The following FCN1 variants were observed in gnomAD, a reference collection of about 807,000 sequenced individuals.
The protein encoded by FCN1 is ficolin-1.
In FCN1, 42 loss-of-function variants were observed where a neutral mutation model predicts 35.6. The observed-to-expected ratio is 1.18, with a 90% CI of 0.92 to 1.53. The LOEUF is 1.53. FCN1 is among the 40% of genes most tolerant of loss of function. The probability of loss-of-function intolerance (pLI) is 0.00; values close to 1 mark genes in which losing one functional copy is unlikely to be tolerated. For missense variants in FCN1, 439 were observed against 428.4 expected (o/e 1.02, Z -0.22); for synonymous variants, 179 against 169.8 (o/e 1.05, Z -0.42).
chr9:134,909,027 G>A lies in FCN1; in HGVS notation c.*771C>T. 2.7e-6 allele frequency: 1 copy of A among 365,906 alleles called. No homozygotes were observed. The highest frequency in any genetic ancestry group is 2.2e-5 in the South Asian group (1 of 46,210). The allele number at this position is 365,906 out of a possible 1,614,324, so 22.7% of individuals were successfully genotyped here. ...TTGAGAAATCTCCCCTGGCCTGGGA[G>A]CTGGAGAAGCCCCTTCTCCATCATC... On this transcript the variant is annotated 3_prime_UTR_variant, in exon 9 of 9. Transcript: ENST00000371806.
At position 134,912,738 on chromosome 9, in the gene FCN1, A is replaced by G. The variant is rs370842673; in HGVS notation, c.469-123T>C. 1.9e-3 allele frequency: 2,577 copies of G among 1,343,030 alleles called. 66 individuals are homozygous for G. The South Asian group carries it at 0.032, about 17-fold the overall frequency. The allele number at this position is 1,343,030 out of a possible 1,614,324, so 83.2% of individuals were successfully genotyped here. ...AGCATCACAGGCCGGTGCCACACGC[A>G]CGCCCATCTGGTCTCCTCACAGACT... On this transcript the variant is annotated intron_variant, in intron 6 of 8. Coordinates refer to ENST00000371806, the MANE Select transcript of FCN1 (RefSeq NM_002003.5).
rs1217594396 is a variant in FCN1 at position 134,909,937 on chromosome 9, G to A, written c.842C>T (p.Ala281Val). 6.2e-7 allele frequency: 1 copy of A among 1,614,162 alleles called. No homozygotes were observed. Among genetic ancestry groups the A allele is most frequent in the South Asian group, 1.1e-5 (1 of 91,086 alleles). The change falls in exon 9 of 9, where the codon GCC (alanine) becomes GTC (valine). Residue 281 changes from alanine to valine, a missense_variant. Coordinates refer to ENST00000371806, the MANE Select transcript of FCN1 (RefSeq NM_002003.5). ...AEKFQGAWWY[A>V]DCHASNLNGL... ...ATTGAGGTTTGAAGCATGACAGTCG[G>A]CGTACCACCAGGCTCCTTGGAACTT...
intron 2 of FCN1, 27 bp downstream of exon 2, chr9:134,916,321 T>A: frequency 1.3e-6 from 2 of 1,554,476 alleles, no homozygotes; most frequent in Admixed American, 1.7e-5. Flanking sequence ...CTGCCATGCC[T>A]GGCCTCCCCA....
At position 134,903,743 on chromosome 9, in the gene FCN1, A is replaced by G. The variant is rs1422017578; in HGVS notation, c.*6055T>C. Among the ~76,000 whole-genome samples the G allele has an allele frequency of 1.3e-5, 2 of 152,242 alleles. No homozygotes were observed. Among genetic ancestry groups the G allele is most frequent in the African/African-American group, 4.8e-5 (2 of 41,468 alleles). On this transcript the variant is annotated 3_prime_UTR_variant, in exon 9 of 9. Transcript: ENST00000371806. ...GATCTACAGGCCACTGAGGTGTTTA[A>G]AATGTCTTTAAAAACGACTCTGACT...
Position 134,903,835 on chromosome 9 carries a change from A to T in FCN1, c.*5963T>A, listed in dbSNP as rs192618531. 7.2e-5 allele frequency among the ~76,000 whole-genome samples: 11 copies of T among 152,344 alleles called. No individual in the cohort carries two copies. Among genetic ancestry groups the T allele is most frequent in the Non-Finnish European group, 1.6e-4 (11 of 68,024 alleles). ...AAAAAGTGGAGAAGTGGAGCCAAGC[A>T]TTGGAGTCTACACTGGCTATTCTAT... On this transcript the variant is annotated 3_prime_UTR_variant, in exon 9 of 9. Coordinates refer to ENST00000371806, the MANE Select transcript of FCN1 (RefSeq NM_002003.5).
chr9:134,908,816 T>G lies in FCN1; in HGVS notation c.*982A>C. 2.1e-5 allele frequency: 4 copies of G among 193,418 alleles called. No homozygotes were observed. Among genetic ancestry groups the G allele is most frequent in the Admixed American group, 5.4e-5 (1 of 18,552 alleles). 12.0% of individuals were successfully genotyped at this position (193,418 alleles called of 1,614,324 possible). On this transcript the variant is annotated 3_prime_UTR_variant, in exon 9 of 9. Coordinates refer to ENST00000371806, the MANE Select transcript of FCN1 (RefSeq NM_002003.5). ...CCAGGAGGTGGCGAGTTCTTGTTGTTTCAAGCCACTCCATTTGTGGTGACT... is the reference window on the plus strand; with the variant it reads ...CCAGGAGGTGGCGAGTTCTTGTTGTGTCAAGCCACTCCATTTGTGGTGACT...
In FCN1 at chr9:134,915,423, T is replaced by C. The variant is rs1034387578; in HGVS notation, c.218-614A>G. Among the ~76,000 whole-genome samples the C allele has an allele frequency of 3.9e-5, 6 of 152,218 alleles. No homozygotes were observed. In the East Asian group the frequency reaches 1.2e-3, roughly 29 times the overall value. On this transcript the variant is annotated intron_variant, in intron 2 of 8. Coordinates refer to ENST00000371806, the MANE Select transcript of FCN1 (RefSeq NM_002003.5). ...GGGCTGGTTCTTGCTTTAGGGTATATTAGCCAGCCATGCCCACTGGTAGAA... is the reference window on the plus strand; with the variant it reads ...GGGCTGGTTCTTGCTTTAGGGTATACTAGCCAGCCATGCCCACTGGTAGAA...
rs200871731 is a variant in FCN1, at chr9:134,905,783, C to CGCT, written c.*4012_*4014dup. 61 of 120,696 alleles carry CGCT rather than the reference C, an allele frequency of 5.1e-4. 2 individuals are homozygous for CGCT. Among genetic ancestry groups the CGCT allele is most frequent in the Admixed American group, 2.3e-3 (30 of 13,076 alleles). 7.5% of individuals were successfully genotyped at this position (120,696 alleles called of 1,614,324 possible). On this transcript the variant is annotated 3_prime_UTR_variant, in exon 9 of 9. Transcript: ENST00000371806. ...ACAAGCGTGAGCCACCGCGCCTGGC[C>CGCT]GCTGCTGCTGCTTCTTCTTCTTCTT...
In FCN1 at chr9:134,917,769, C is replaced by A; in HGVS notation, c.103G>T (p.Glu35Ter). 2.5e-6 allele frequency: 4 copies of A among 1,610,268 alleles called. No homozygotes were observed. Among genetic ancestry groups the A allele is most frequent in the Non-Finnish European group, 3.4e-6 (4 of 1,176,594 alleles). Residue 35 changes from glutamate to a stop codon, truncating the protein, a stop_gained and splice_region_variant, in exon 1 of 9, where the codon GAG becomes TAG. Transcript: ENST00000371806. LOFTEE classifies it high-confidence loss of function. ...ACCAGAAAACCCAGGTCTGTCTCAC[C>A]TGGACATGTGTCCGCAGCCTGGGCA... is the stretch of plus-strand genomic sequence containing the variant. ...LPAQAADTCP[E>*]VKVVGLEGSD...
Position 134,912,582 on chromosome 9 carries a change from A to C in FCN1, c.502T>G (p.Phe168Val). 1 of 1,614,162 alleles carries C rather than the reference A, an allele frequency of 6.2e-7. No individual in the cohort carries two copies. Among genetic ancestry groups the C allele is most frequent in the Non-Finnish European group, 8.5e-7 (1 of 1,180,008 alleles). The change falls in exon 7 of 9, where the codon TTC becomes GTC. Residue 168 changes from phenylalanine (F) to valine (V), a missense_variant. By Grantham distance (50) the Phe-to-Val change is conservative. Transcript: ENST00000371806. Reference sequence around the variant, plus strand: ...TTGTATGCGGCCCAGTCCCGATAGAAGTCCACAGAGCCATCCATCCTCCGC... The same window carrying C: ...TTGTATGCGGCCCAGTCCCGATAGACGTCCACAGAGCCATCCATCCTCCGC... The part of the protein sequence containing the change: ...FQRRMDGSVD[F>V]YRDWAAYKQG...
intron 4 of FCN1, 96 bp from the exon 5 acceptor site, chr9:134,913,709 G>T: frequency 2.3e-6 from 2 of 885,900 alleles, no homozygotes; most frequent in Non-Finnish European, 3.4e-6. Context: ...TAGAGAATGG[G>T]CAAAGGCAGC....
chr9:134,904,307 T>A lies in FCN1; in HGVS notation c.*5491A>T, dbSNP rs1830916081. On this transcript the variant is annotated 3_prime_UTR_variant, in exon 9 of 9. Coordinates refer to ENST00000371806, the MANE Select transcript of FCN1 (RefSeq NM_002003.5). Reference sequence around the variant, plus strand: ...GGAGCAACAAGACTTTCAGCTAGCTTTTCAGCTGAAATAACTGAATCTGAA... The same window carrying A: ...GGAGCAACAAGACTTTCAGCTAGCTATTCAGCTGAAATAACTGAATCTGAA... Among the ~76,000 whole-genome samples the A allele has an allele frequency of 6.6e-6, 1 of 152,212 alleles. No homozygotes were observed. The highest frequency in any genetic ancestry group is 1.5e-5 in the Non-Finnish European group (1 of 68,032).
At position 134,908,235 on chromosome 9, in the gene FCN1, T is replaced by C. The variant is rs1356611093; in HGVS notation, c.*1563A>G. On this transcript the variant is annotated 3_prime_UTR_variant, in exon 9 of 9. Transcript: ENST00000371806. The stretch of plus-strand genomic sequence containing the variant: ...CCTTGCTCCCCTGCATGTCATCTTC[T>C]GTGAAGTGTCTGTTCACATCTCATA... 1 of 152,302 alleles carries C rather than the reference T, an allele frequency of 6.6e-6. No homozygotes were observed. The highest frequency in any genetic ancestry group is 1.5e-5 in the Non-Finnish European group (1 of 68,064). The allele number at this position is 152,302 out of a possible 1,614,324, so 9.4% of individuals were successfully genotyped here. A position where few individuals can be genotyped will look rare whatever the true frequency, so the allele number is the denominator to read the frequency against.
intron 7 of FCN1, 67 bp downstream of exon 7, chr9:134,912,419 G>A: frequency 6.6e-7 from 1 of 1,507,762 alleles, no homozygotes; most frequent in East Asian, 2.3e-5. Flanking sequence ...TGTTGCAGAT[G>A]GCCCAGGCCT....
rs757144814 is a variant in FCN1 at position 134,909,712 on chromosome 9, T to C, written c.*86A>G. On this transcript the variant is annotated 3_prime_UTR_variant, in exon 9 of 9. Coordinates refer to ENST00000371806, the MANE Select transcript of FCN1 (RefSeq NM_002003.5). Reference sequence around the variant, plus strand: ...TGGGCGTCATGGGAGTGTGTCTGGCTGGGGAAATGGGGTGACTTCCACGAC... The same window carrying C: ...TGGGCGTCATGGGAGTGTGTCTGGCCGGGGAAATGGGGTGACTTCCACGAC... 7 of 1,596,414 alleles carry C rather than the reference T, an allele frequency of 4.4e-6. No homozygotes were observed. In the African/African-American group the frequency reaches 8.0e-5, roughly 18 times the overall value.
intron 2 of FCN1, among the ~76,000 whole-genome samples, chr9:134,915,840 C>T (rs1029786761): frequency 1.3e-5 from 2 of 152,166 alleles, no homozygotes; most frequent in South Asian, 2.1e-4. Context: ...TCCCATGTTC[C>T]CTGCAAATCC....
At chr9:134,912,870 C>G in intron 6 of FCN1, 146 bp downstream of exon 6, 2 of 1,406,090 alleles carry the variant, frequency 1.4e-6, no homozygotes, top group Non-Finnish European at 1.9e-6. Context: ...ATGGCCTGGA[C>G]TTTTACCCAC....
At position 134,912,621 on chromosome 9, in the gene FCN1, A is replaced by G. The variant is rs771747223; in HGVS notation, c.469-6T>C. 3 of 1,614,128 alleles carry G rather than the reference A, an allele frequency of 1.9e-6. No homozygotes were observed. The highest frequency in any genetic ancestry group is 2.5e-6 in the Non-Finnish European group (3 of 1,179,984). On this transcript the variant is annotated splice_polypyrimidine_tract_variant and splice_region_variant and intron_variant, in intron 6 of 8. Transcript: ENST00000371806. ...TCCATCCTCCGCTGGAAAACCTGTG[A>G]AGAAGCCAGGATACAGAGTTAGGCG...
rs1360090221 is a variant in FCN1, at chr9:134,905,209, C to T, written c.*4589G>A. Among the ~76,000 whole-genome samples, 4 of 152,052 alleles carry T rather than the reference C, an allele frequency of 2.6e-5. No homozygotes were observed. The highest frequency in any genetic ancestry group is 6.5e-5 in the Admixed American group (1 of 15,280). On this transcript the variant is annotated 3_prime_UTR_variant, in exon 9 of 9. Coordinates refer to ENST00000371806, the MANE Select transcript of FCN1 (RefSeq NM_002003.5). The stretch of plus-strand genomic sequence containing the variant: ...GGATAATAAAAATATTCAACAAAGA[C>T]GAGAGAAGATGAGGAAGGAGAGGAA...
Sources: allele counts gnomAD v4.1 joint callset (sites outside exome capture counted in the v4.1 genomes callset), GRCh38; gene constraint gnomAD v4.1.1; transcripts MANE v1.5; gene names NCBI Gene and HGNC (gene_info 2026-07-23, HGNC 2026-07-21).